The following SH3PXD2A variants were observed in gnomAD, a reference collection of about 807,000 sequenced individuals.
SH3PXD2A encodes the protein SH3 and PX domains 2A, also known as SH3 and PX domain-containing protein 2A.
In SH3PXD2A, 32 loss-of-function variants were observed where a neutral mutation model predicts 115.2. That is an observed-to-expected ratio of 0.28 (90% CI 0.21 to 0.37). SH3PXD2A has a LOEUF of 0.37. Among genes scored for constraint, SH3PXD2A ranks in the 10% least tolerant of loss-of-function variants. SH3PXD2A has a pLI of 1.00. For missense variants in SH3PXD2A, 1,328 were observed against 1,498.7 expected, an observed-to-expected ratio of 0.89 and a Z score of 1.88; for synonymous variants, 610 against 629.1, an observed-to-expected ratio of 0.97 and a Z score of 0.45.
chr10:103,723,471 C>T (rs1015085030), intron 5 of SH3PXD2A, among the ~76,000 whole-genome samples: 2 of 152,158 alleles, frequency 1.3e-5, no homozygotes, highest in African/African-American at 2.4e-5. Flanking sequence ...TGGATGGAGT[C>T]GGGTCCTGGG....
intron 1 of SH3PXD2A, among the ~76,000 whole-genome samples, chr10:103,820,235 G>A (rs530861569): frequency 6.6e-6 from 1 of 152,286 alleles, no homozygotes; most frequent in African/African-American, 2.4e-5. Context: ...AATGAGGAAA[G>A]GGGATTCTTT....
rs142806486 is a variant in SH3PXD2A, at chr10:103,603,069, C to T, written c.2149G>A (p.Asp717Asn). 235 of 1,613,382 alleles carry T rather than the reference C, an allele frequency of 1.5e-4. 5 individuals carry two copies. Among genetic ancestry groups the T allele is most frequent in the East Asian group, 9.4e-4 (42 of 44,884 alleles). The change falls in exon 15 of 15, where the codon GAC (aspartate) becomes AAC (asparagine). Residue 717 changes from aspartate (D) to asparagine (N), a missense_variant. By Grantham distance (23) the Asp-to-Asn change is conservative. This residue lies in a region of SH3PXD2A where 574 missense variants were observed against 565.7 expected (regional missense o/e 1.01). Transcript: ENST00000369774. ...SSSSLSKTSG[D>N]LKPRSASDAG... ...TCCGAAGCAGAGCGGGGCTTCAGGT[C>T]GCCACTGGTTTTGGACAAGGAAGAG...
chr10:103,796,513 T>C (rs1181210221), intron 2 of SH3PXD2A, among the ~76,000 whole-genome samples: 1 of 152,122 alleles, frequency 6.6e-6, no homozygotes, highest in Non-Finnish European at 1.5e-5. Context: ...ATTTAGTTCA[T>C]CTACAGTGGA....
intron 2 of SH3PXD2A, among the ~76,000 whole-genome samples, chr10:103,770,966 T>C (rs946082030): frequency 1.3e-5 from 2 of 152,252 alleles, no homozygotes; most frequent in African/African-American, 4.8e-5. Flanking sequence ...CCTTAAATCT[T>C]TTCCATAAGA....
chr10:103,720,416 T>C (rs779883596), intron 5 of SH3PXD2A, among the ~76,000 whole-genome samples: 7 of 152,188 alleles, frequency 4.6e-5, no homozygotes, highest in Non-Finnish European at 1.0e-4. Flanking sequence ...GCGAGTGGCC[T>C]GGGATCAAAG....
chr10:103,630,115 G>A (rs1411880112), intron 8 of SH3PXD2A, among the ~76,000 whole-genome samples: 3 of 152,246 alleles, frequency 2.0e-5, no homozygotes, highest in Non-Finnish European at 4.4e-5. Flanking sequence ...AGGGCTGCCT[G>A]GAGCAGCACC....
At chr10:103,793,907 T>G (rs921901240) in intron 2 of SH3PXD2A, among the ~76,000 whole-genome samples, 4 of 152,228 alleles carry the variant, frequency 2.6e-5, no homozygotes, top group African/African-American at 9.6e-5. Context: ...GAGGCCTGCT[T>G]TGGATATTAA....
At chr10:103,610,469 A>G (rs1564843521) in intron 13 of SH3PXD2A, among the ~76,000 whole-genome samples, 1 of 152,256 alleles carries the variant, frequency 6.6e-6, no homozygotes, top group Non-Finnish European at 1.5e-5. Context: ...CTCAGGAGGA[A>G]AAAGAGAAAC....
Position 103,602,109 on chromosome 10 carries a change from C to T in SH3PXD2A, c.3109G>A (p.Ala1037Thr). 1 of 1,589,268 alleles carries T rather than the reference C, an allele frequency of 6.3e-7. No individual in the cohort carries two copies. Among genetic ancestry groups the T allele is most frequent in the Non-Finnish European group, 8.6e-7 (1 of 1,165,184 alleles). Residue 1037 changes from alanine to threonine, a missense_variant, in exon 15 of 15, where the codon GCC becomes ACC. By Grantham distance (58) the Ala-to-Thr change is moderately conservative. Transcript: ENST00000369774. ...AGGGGTGAGTCTGAACCCTGGCTGGCAGCCCGTTCGGCCAGGCGGCCCTTG... is the reference window on the plus strand; with the variant it reads ...AGGGGTGAGTCTGAACCCTGGCTGGTAGCCCGTTCGGCCAGGCGGCCCTTG... ...EAKGRLAERA[A>T]SQGSDSPLLP...
chr10:103,763,508 G>C (rs1174511566), intron 3 of SH3PXD2A, among the ~76,000 whole-genome samples: 3 of 152,224 alleles, frequency 2.0e-5, no homozygotes, highest in Non-Finnish European at 4.4e-5. Context: ...TTGAAAGACT[G>C]TTAAGTTCTC....
intron 5 of SH3PXD2A, among the ~76,000 whole-genome samples, chr10:103,705,558 A>C (rs1283396274): frequency 6.6e-6 from 1 of 152,174 alleles, no homozygotes; most frequent in Non-Finnish European, 1.5e-5. Flanking sequence ...ACAGATGAGA[A>C]ATGGAGGATC....
At position 103,666,020 on chromosome 10, in the gene SH3PXD2A, TC is replaced by T. The variant is rs1251496370; in HGVS notation, c.472+2587del. ...CCCCACCCTTGCCTCACATCTGCAT[TC>T]CTTCAACTACCACCTGGATGGAACC... On this transcript the variant is annotated intron_variant, in intron 7 of 14. Coordinates refer to ENST00000369774, the MANE Select transcript of SH3PXD2A (RefSeq NM_001394015.1). This position sits in a 1 kb window ranked among gnomAD's most constrained non-coding sequence, Gnocchi z 4.5. Among the ~76,000 whole-genome samples, 1 of 152,138 alleles carries T rather than the reference TC, an allele frequency of 6.6e-6. No homozygotes were observed. The highest frequency in any genetic ancestry group is 2.4e-5 in the African/African-American group (1 of 41,442).
intron 5 of SH3PXD2A, among the ~76,000 whole-genome samples, chr10:103,693,788 G>T (rs2037791222): frequency 6.6e-6 from 1 of 152,138 alleles, no homozygotes; most frequent in Non-Finnish European, 1.5e-5. Flanking sequence ...GTAGTGGGGG[G>T]GACAGAGGAT....
intron 1 of SH3PXD2A, among the ~76,000 whole-genome samples, chr10:103,842,868 A>G (rs1333599125): frequency 1.3e-5 from 2 of 152,236 alleles, no homozygotes; most frequent in Non-Finnish European, 2.9e-5. Context: ...ACAATGAATG[A>G]ATGAATATGA....
At chr10:103,773,600 C>T (rs1018369612) in intron 2 of SH3PXD2A, among the ~76,000 whole-genome samples, 4 of 151,420 alleles carry the variant, frequency 2.6e-5, no homozygotes, top group Admixed American at 1.3e-4. Context: ...CCACCATGCC[C>T]GGCTAATATT....
intron 2 of SH3PXD2A, among the ~76,000 whole-genome samples, chr10:103,772,590 T>C (rs1314582251): frequency 1.3e-5 from 2 of 152,164 alleles, no homozygotes; most frequent in East Asian, 3.9e-4. Context: ...GCGGCCAGGC[T>C]GTTTATCTAA....
intron 2 of SH3PXD2A, among the ~76,000 whole-genome samples, chr10:103,796,942 G>C (rs2039096338): frequency 6.8e-6 from 1 of 147,886 alleles, no homozygotes. Context: ...GCTCACTGCA[G>C]CCTGGACCTC....
rs757462664 is a variant in SH3PXD2A at position 103,597,454 on chromosome 10, C to T, written c.*4362G>A. The T allele has an allele frequency of 6.6e-6, 1 of 152,310 alleles. No individual in the cohort carries two copies. Among genetic ancestry groups the T allele is most frequent in the Non-Finnish European group, 1.5e-5 (1 of 68,116 alleles). 9.4% of individuals were successfully genotyped at this position (152,310 alleles called of 1,614,324 possible). A position where few individuals can be genotyped will look rare whatever the true frequency, so the allele number is the denominator to read the frequency against. Reference sequence around the variant, plus strand: ...CTCTGAGCAGCTGGCTGCACCACAACAGAAATCAAAACAAGGAACAGCTCC... The same window carrying T: ...CTCTGAGCAGCTGGCTGCACCACAATAGAAATCAAAACAAGGAACAGCTCC... On this transcript the variant is annotated 3_prime_UTR_variant, in exon 15 of 15. Transcript: ENST00000369774.
At chr10:103,660,727 C>G (rs1357603896) in intron 8 of SH3PXD2A, among the ~76,000 whole-genome samples, 1 of 152,232 alleles carries the variant, frequency 6.6e-6, no homozygotes, top group African/African-American at 2.4e-5. Flanking sequence ...CATTTATTCC[C>G]GCGCTGTGCC....
Sources: gnomAD v4.1 joint callset for allele counts (sites outside exome capture counted in the v4.1 genomes callset) on GRCh38, gnomAD v4.1.1 for gene constraint, gnomAD v4.1.1 regional missense constraint, Gnocchi (gnomAD v3.1) non-coding constraint, MANE v1.5 for transcripts, NCBI Gene and HGNC (gene_info 2026-07-23, HGNC 2026-07-21) for gene names.